Variants in DLD observed in about 807,000 individuals in gnomAD.
DLD encodes dihydrolipoamide dehydrogenase.
A neutral mutation model predicts 62.2 loss-of-function variants in DLD; 36 were observed. The observed-to-expected ratio is 0.58, with a 90% CI of 0.44 to 0.76. DLD has a LOEUF of 0.76. Among genes scored for constraint, DLD ranks in the 30% least tolerant of loss-of-function variants. The pLI is 0.00. For missense variants in DLD, 541 were observed against 608.6 expected, an observed-to-expected ratio of 0.89 and a Z score of 1.17; for synonymous variants, 204 against 199.6, an observed-to-expected ratio of 1.02 and a Z score of -0.19.
In DLD at chr7:107,920,078, A is replaced by G. The variant is rs1030560932; in HGVS notation, c.*819A>G. On this transcript the variant is annotated 3_prime_UTR_variant, in exon 14 of 14. Coordinates refer to ENST00000205402, the MANE Select transcript of DLD (RefSeq NM_000108.5). ...CTGAATGTATCTTTATTTTCATGTT[A>G]TAGGACAATATTAAGGCATTTTAAA... The G allele has an allele frequency of 6.6e-6, 1 of 152,270 alleles. No homozygotes were observed. Among genetic ancestry groups the G allele is most frequent in the Non-Finnish European group, 1.5e-5 (1 of 68,026 alleles). The allele number at this position is 152,270 out of a possible 1,614,324, so 9.4% of individuals were successfully genotyped here.
chr7:107,901,906 G>T, intron 3 of DLD, 89 bp downstream of exon 3: 1 of 1,012,552 alleles, frequency 9.9e-7, no homozygotes, highest in Admixed American at 1.7e-5. Context: ...GCAAAAACAT[G>T]GTAAATACTT....
chr7:107,915,821 T>A, intron 9 of DLD, 125 bp downstream of exon 9: 1 of 769,756 alleles, frequency 1.3e-6, no homozygotes, highest in Non-Finnish European at 2.1e-6. Flanking sequence ...TTACTTAATA[T>A]AACTCAGTTG....
chr7:107,891,470 T>G, intron 1 of DLD, 181 bp downstream of exon 1: 1 of 694,146 alleles, frequency 1.4e-6, no homozygotes, highest in Non-Finnish European at 2.5e-6. Flanking sequence ...CCGCTCATCC[T>G]GCAGCAGGCG....
Position 107,919,468 on chromosome 7 carries a change from G to A in DLD, c.*209G>A. ...GTATTTTGTTTCAGTGCACTAATGT[G>A]TAAGACAAAAAGCTACTTATTGTAG... On this transcript the variant is annotated 3_prime_UTR_variant, in exon 14 of 14. Transcript: ENST00000205402. The A allele has an allele frequency of 2.2e-6, 1 of 449,300 alleles. No homozygotes were observed. The highest frequency in any genetic ancestry group is 2.0e-5 in the African/African-American group (1 of 50,396). 27.8% of individuals were successfully genotyped at this position (449,300 alleles called of 1,614,324 possible).
At chr7:107,908,645 CAA>C (rs1358016246) in intron 8 of DLD, among the ~76,000 whole-genome samples, 9 of 134,524 alleles carry the variant, frequency 6.7e-5, no homozygotes, top group African/African-American at 2.5e-4. Flanking sequence ...CCATCCTGGG[CAA>C]AAGAGTGAGA....
At chr7:107,896,856 G>C (rs1397315725) in intron 2 of DLD, among the ~76,000 whole-genome samples, 1 of 148,746 alleles carries the variant, frequency 6.7e-6, no homozygotes, top group Non-Finnish European at 1.5e-5. Flanking sequence ...TTTTTTTTGA[G>C]ACAAAGTCTC....
chr7:107,897,574 C>CTTTTTTTTTTTT (rs35546358), intron 2 of DLD, among the ~76,000 whole-genome samples: 1 of 111,352 alleles, frequency 9.0e-6, no homozygotes, highest in African/African-American at 3.5e-5. Context: ...TGTAGACTGA[C>CTTTTTTTTTTTT]TTTTTTTTTT....
intron 2 of DLD, among the ~76,000 whole-genome samples, chr7:107,900,895 T>G (rs1176960811): frequency 6.6e-6 from 1 of 152,174 alleles, no homozygotes. Flanking sequence ...TCCTAACTCT[T>G]AACAGTCACT....
At chr7:107,911,220 A>G (rs2032131587) in intron 8 of DLD, among the ~76,000 whole-genome samples, 1 of 152,164 alleles carries the variant, frequency 6.6e-6, no homozygotes, top group Non-Finnish European at 1.5e-5. Flanking sequence ...TATTGTGGAC[A>G]TTTCATATAA....
Position 107,917,407 on chromosome 7 carries a change from A to T in DLD, c.1181A>T (p.Tyr394Phe). The change falls in exon 11 of 14, where the codon TAC becomes TTC. Residue 394 changes from tyrosine (Y) to phenylalanine (F), a missense_variant. Transcript: ENST00000205402. ...TACAATTGTGTGCCATCAGTGATTTACACACACCCTGAAGTTGCTTGGGTT... is the reference window on the plus strand; with the variant it reads ...TACAATTGTGTGCCATCAGTGATTTTCACACACCCTGAAGTTGCTTGGGTT... Reference protein sequence around the residue: ...IDYNCVPSVIYTHPEVAWVGK... With the variant: ...IDYNCVPSVIFTHPEVAWVGK... 6.2e-7 allele frequency: 1 copy of T among 1,614,204 alleles called. No homozygotes were observed. Among genetic ancestry groups the T allele is most frequent in the Non-Finnish European group, 8.5e-7 (1 of 1,180,032 alleles).
chr7:107,909,576 ACCAGT>A (rs1244622813), intron 8 of DLD, among the ~76,000 whole-genome samples: 1 of 152,202 alleles, frequency 6.6e-6, no homozygotes, highest in African/African-American at 2.4e-5. Flanking sequence ...TACTACATTC[ACCAGT>A]CCAGAAACCC....
intron 8 of DLD, among the ~76,000 whole-genome samples, chr7:107,914,814 A>G (rs555698677): frequency 5.4e-4 from 83 of 152,362 alleles, no homozygotes; most frequent in Non-Finnish European, 9.7e-4. Flanking sequence ...TAGAAGTTAT[A>G]CTAATTGTCA....
chr7:107,919,288 A>C lies in DLD; in HGVS notation c.*29A>C. 1.3e-6 allele frequency: 2 copies of C among 1,559,594 alleles called. No homozygotes were observed. Among genetic ancestry groups the C allele is most frequent in the Non-Finnish European group, 1.8e-6 (2 of 1,141,216 alleles). ...AGAAGATTATATATATTTTTTTCTGAAATTTCCTGGGAGCTTTTGTAGAAG... is the reference window on the plus strand; with the variant it reads ...AGAAGATTATATATATTTTTTTCTGCAATTTCCTGGGAGCTTTTGTAGAAG... On this transcript the variant is annotated 3_prime_UTR_variant, in exon 14 of 14. Coordinates refer to ENST00000205402, the MANE Select transcript of DLD (RefSeq NM_000108.5).
At chr7:107,919,156 A>T (rs368876894) in intron 13 of DLD, 38 bp from the exon 14 acceptor site, 5 of 1,612,386 alleles carry the variant, frequency 3.1e-6, no homozygotes, top group Admixed American at 1.7e-5. Context: ...CTGACCCACA[A>T]ATATTTGGAT....
chr7:107,901,862 G>A (rs192387423), intron 3 of DLD, 45 bp downstream of exon 3: 2 of 1,505,996 alleles, frequency 1.3e-6, no homozygotes, highest in East Asian at 4.5e-5. Context: ...TTTAATTTGG[G>A]AAGGGTTGAT....
intron 1 of DLD, among the ~76,000 whole-genome samples, chr7:107,892,661 T>TC (rs2031615872): frequency 5.3e-5 from 8 of 152,162 alleles, no homozygotes; most frequent in Non-Finnish European, 2.9e-5. Context: ...TTCTCCTGCC[T>TC]TGGCCTCCCG....
At chr7:107,902,500 A>G in intron 4 of DLD, 107 bp downstream of exon 4, 1 of 970,196 alleles carries the variant, frequency 1.0e-6, no homozygotes, top group Non-Finnish European at 1.7e-6. Context: ...AAACAATCCA[A>G]GTTGTGGCAC....
chr7:107,905,368 A>G lies in DLD; in HGVS notation c.446A>G (p.His149Arg). 3 of 1,613,202 alleles carry G rather than the reference A, an allele frequency of 1.9e-6. No individual in the cohort carries two copies. Among genetic ancestry groups the G allele is most frequent in the East Asian group, 2.2e-5 (1 of 44,848 alleles). Residue 149 changes from histidine to arginine, a missense_variant, in exon 7 of 14, where the codon CAT becomes CGT. Transcript: ENST00000205402. The part of the protein sequence containing the change: ...AHLFKQNKVV[H>R]VNGYGKITGK... ...AAAGATTATTTTGTAAAGGTTGTTC[A>G]TGTCAATGGATATGGAAAGATAACT...
At chr7:107,891,685 C>A in intron 1 of DLD, 1 of 320,684 alleles carries the variant, frequency 3.1e-6, no homozygotes, top group South Asian at 2.8e-5. Context: ...ATTCTGATCC[C>A]TGAGTGGCCT....
Sources: allele counts gnomAD v4.1 joint callset (sites outside exome capture counted in the v4.1 genomes callset), GRCh38; gene constraint gnomAD v4.1.1; transcripts MANE v1.5; gene names NCBI Gene and HGNC (gene_info 2026-07-23, HGNC 2026-07-21).